Variants in CCDC178 observed in about 807,000 individuals in gnomAD.
CCDC178 encodes the protein coiled-coil domain-containing protein 178.
Under a neutral mutation model 117.4 loss-of-function variants are expected in CCDC178, and 126 were observed. The observed-to-expected ratio is 1.07, with a 90% CI of 0.93 to 1.24. The LOEUF is 1.24. Among genes scored for constraint, CCDC178 ranks in the 50% most tolerant of loss-of-function variants. The pLI is 0.00. For synonymous variants in CCDC178, 283 were observed against 313.4 expected (o/e 0.90, Z 1.02); for missense variants, 1,030 against 986.9 (o/e 1.04, Z -0.59).
chr18:33,369,770 A>G (rs2063271127), intron 6 of CCDC178, among the ~76,000 whole-genome samples: 1 of 151,966 alleles, frequency 6.6e-6, no homozygotes, highest in African/African-American at 2.4e-5. Flanking sequence ...TTACTAGTGA[A>G]GTTGGCTTAT....
chr18:33,071,032 A>C (rs1029555176), intron 21 of CCDC178, among the ~76,000 whole-genome samples: 26 of 152,144 alleles, frequency 1.7e-4, no homozygotes, highest in African/African-American at 6.3e-4. Flanking sequence ...CAGCTCTGCT[A>C]AAATACAAGA....
chr18:32,973,310 A>C (rs2054967162), intron 22 of CCDC178, among the ~76,000 whole-genome samples: 1 of 152,122 alleles, frequency 6.6e-6, no homozygotes, highest in African/African-American at 2.4e-5. Flanking sequence ...ACTAATTAGA[A>C]CATGCAGATT....
Position 33,226,811 on chromosome 18 carries a change from A to C in CCDC178, c.1638T>G (p.Ala546=). Residue 546 remains alanine (A), a synonymous_variant, in exon 16 of 23, where the codon GCT becomes GCG. Coordinates refer to ENST00000383096, the MANE Select transcript of CCDC178 (RefSeq NM_001105528.4). ...FLKKLTQGEV[A]AGMVLQKKLY... is the part of the protein sequence containing the mutation. The stretch of plus-strand genomic sequence containing the variant: ...GTATTACCTGAAGCACCATTCCAGC[A>C]GCCACTTCACCTTGAGTGAGTTTTT... 3 of 1,594,740 alleles carry C rather than the reference A, an allele frequency of 1.9e-6. No homozygotes were observed. In the East Asian group the frequency reaches 6.9e-5, roughly 37 times the overall value.
chr18:33,430,299 C>T (rs2064191313), intron 2 of CCDC178, among the ~76,000 whole-genome samples: 1 of 152,142 alleles, frequency 6.6e-6, no homozygotes, highest in Non-Finnish European at 1.5e-5. Flanking sequence ...ATGAAATGCA[C>T]AATGAAACAC....
intron 22 of CCDC178, among the ~76,000 whole-genome samples, chr18:32,956,027 T>G (rs2054586391): frequency 6.6e-6 from 1 of 152,198 alleles, no homozygotes; most frequent in South Asian, 2.1e-4. Flanking sequence ...TGCCTATAAC[T>G]AACACTACAC....
At chr18:33,100,526 A>G (rs551921649) in intron 20 of CCDC178, among the ~76,000 whole-genome samples, 106 of 152,086 alleles carry the variant, frequency 7.0e-4, no homozygotes, top group Middle Eastern at 3.4e-3. Flanking sequence ...TATCCACATA[A>G]CGATAGTAGT....
intron 15 of CCDC178, among the ~76,000 whole-genome samples, chr18:33,244,832 C>T (rs2059528159): frequency 6.6e-6 from 1 of 151,844 alleles, no homozygotes; most frequent in African/African-American, 2.4e-5. Flanking sequence ...TCCAGGTACT[C>T]TAGAATTCAA....
chr18:33,061,082 A>G (rs2056913339), intron 21 of CCDC178, among the ~76,000 whole-genome samples: 1 of 152,100 alleles, frequency 6.6e-6, no homozygotes, highest in Non-Finnish European at 1.5e-5. Context: ...AAACATTAAA[A>G]TACATCAACT....
At chr18:33,091,272 T>C (rs930055562) in intron 21 of CCDC178, among the ~76,000 whole-genome samples, 2 of 150,018 alleles carry the variant, frequency 1.3e-5, no homozygotes, top group African/African-American at 2.4e-5. Flanking sequence ...GACACTAAGA[T>C]TTTGGCAGAT....
At chr18:33,398,015 T>G (rs533397604) in intron 3 of CCDC178, among the ~76,000 whole-genome samples, 1 of 152,218 alleles carries the variant, frequency 6.6e-6, no homozygotes, top group Non-Finnish European at 1.5e-5. Flanking sequence ...TTTAATAACC[T>G]ATAAAAATAT....
At chr18:33,111,342 C>A (rs1371245177) in intron 20 of CCDC178, among the ~76,000 whole-genome samples, 10 of 151,506 alleles carry the variant, frequency 6.6e-5, no homozygotes, top group Admixed American at 6.6e-4. Flanking sequence ...ATAATGACAG[C>A]TTTTAAAGCC....
intron 14 of CCDC178, among the ~76,000 whole-genome samples, chr18:33,259,244 G>GT (rs1410517106): frequency 6.6e-6 from 1 of 152,162 alleles, no homozygotes; most frequent in African/African-American, 2.4e-5. Flanking sequence ...TGCTTGTTTG[G>GT]TTTTTAATCC....
At chr18:33,086,332 G>T (rs1406403755) in intron 21 of CCDC178, among the ~76,000 whole-genome samples, 2 of 150,936 alleles carry the variant, frequency 1.3e-5, no homozygotes, top group African/African-American at 4.9e-5. Context: ...TATCATGAAA[G>T]TAGAGTTTGT....
intron 20 of CCDC178, among the ~76,000 whole-genome samples, chr18:33,113,236 T>G (rs1366170480): frequency 6.6e-6 from 1 of 152,056 alleles, no homozygotes; most frequent in Non-Finnish European, 1.5e-5. Flanking sequence ...TTGTGCACAT[T>G]AAATTATTGA....
At chr18:33,378,720 T>C (rs1202069447) in intron 5 of CCDC178, among the ~76,000 whole-genome samples, 1 of 152,192 alleles carries the variant, frequency 6.6e-6, no homozygotes, top group Non-Finnish European at 1.5e-5. Flanking sequence ...TTAATTCAAC[T>C]TATGTGGTGA....
intron 21 of CCDC178, among the ~76,000 whole-genome samples, chr18:33,040,308 G>GT (rs1418985625): frequency 6.6e-5 from 10 of 151,776 alleles, no homozygotes; most frequent in Non-Finnish European, 1.5e-4. Context: ...ACAAAAGTGA[G>GT]GAGAGTCTAA....
intron 20 of CCDC178, among the ~76,000 whole-genome samples, chr18:33,201,475 G>A (rs185190586): frequency 1.3e-5 from 2 of 152,230 alleles, no homozygotes; most frequent in South Asian, 2.1e-4. Flanking sequence ...GCAATGTTTG[G>A]CACTTTTGAG....
intron 22 of CCDC178, among the ~76,000 whole-genome samples, chr18:32,947,612 C>A (rs1444585842): frequency 6.6e-6 from 1 of 152,066 alleles, no homozygotes; most frequent in Admixed American, 6.5e-5. Flanking sequence ...ATTCTGGATA[C>A]AAGTCCTTTA....
intron 21 of CCDC178, among the ~76,000 whole-genome samples, chr18:33,090,072 T>G (rs1158361808): frequency 6.6e-6 from 1 of 152,128 alleles, no homozygotes; most frequent in Non-Finnish European, 1.5e-5. Flanking sequence ...GTATCAAAGA[T>G]AACACAAGCA....
Sources: gnomAD v4.1 joint callset for allele counts (sites outside exome capture counted in the v4.1 genomes callset) on GRCh38, gnomAD v4.1.1 for gene constraint, MANE v1.5 for transcripts, NCBI Gene and HGNC (gene_info 2026-07-23, HGNC 2026-07-21) for gene names.